Variants in LHFPL4 observed in about 807,000 individuals in gnomAD.
LHFPL4 encodes the protein LHFPL tetraspan subfamily member 4.
In LHFPL4, 6 loss-of-function variants were observed where a neutral mutation model predicts 20.0. That is an observed-to-expected ratio of 0.30 (90% CI 0.16 to 0.59). LHFPL4 has a LOEUF of 0.59. Ranked by LOEUF, LHFPL4 falls within the 20% of genes least tolerant of loss-of-function variation. LHFPL4 has a pLI of 0.88. For synonymous variants in LHFPL4, 129 were observed against 143.8 expected (o/e 0.90, Z 0.74); for missense variants, 215 against 331.2 (o/e 0.65, Z 2.72).
In LHFPL4 at chr3:9,529,309, G is replaced by A. The variant is rs184728164; in HGVS notation, c.406+22965C>T. Among the ~76,000 whole-genome samples the A allele has an allele frequency of 2.0e-3, 309 of 152,238 alleles. 1 individual carries two copies. The highest frequency in any genetic ancestry group is 3.2e-3 in the Non-Finnish European group (217 of 68,024). On this transcript the variant is annotated intron_variant, in intron 2 of 3. Transcript: ENST00000287585. ...CCCAAAGTGCTGGGATTACAGATGC[G>A]AGCCACCGCGCCCGGCCATGAATCA...
intron 2 of LHFPL4, among the ~76,000 whole-genome samples, chr3:9,507,357 T>C (rs1409597205): frequency 6.6e-6 from 1 of 152,194 alleles, no homozygotes; most frequent in Non-Finnish European, 1.5e-5. Context: ...TCAGCTATTT[T>C]CTAGATATGC....
rs2046182803 is a variant in LHFPL4, at chr3:9,502,314, A to G, written c.644-3T>C. The G allele has an allele frequency of 1.3e-6, 2 of 1,520,712 alleles. No homozygotes were observed. Among genetic ancestry groups the G allele is most frequent in the African/African-American group, 1.4e-5 (1 of 72,614 alleles). 94.2% of individuals were successfully genotyped at this position (1,520,712 alleles called of 1,614,324 possible). Reference sequence around the variant, plus strand: ...GCTTACTGTAGAGCCCACAAAATCTAAGAGAGAGAGAGAGAGAGAGAAGGA... The same window carrying G: ...GCTTACTGTAGAGCCCACAAAATCTGAGAGAGAGAGAGAGAGAGAGAAGGA... On this transcript the variant is annotated splice_region_variant and splice_polypyrimidine_tract_variant and intron_variant, in intron 3 of 3. Coordinates refer to ENST00000287585, the MANE Select transcript of LHFPL4 (RefSeq NM_198560.3).
chr3:9,526,161 G>A (rs149871116), intron 2 of LHFPL4, among the ~76,000 whole-genome samples: 1 of 152,166 alleles, frequency 6.6e-6, no homozygotes, highest in Non-Finnish European at 1.5e-5. Flanking sequence ...CCATTTATAT[G>A]AGCTACCTAG....
At chr3:9,534,459 C>T (rs1399143513) in intron 2 of LHFPL4, among the ~76,000 whole-genome samples, 5 of 152,162 alleles carry the variant, frequency 3.3e-5, no homozygotes, top group Admixed American at 3.3e-4. Context: ...ACAATGTTCC[C>T]ATTGCAAAGA....
At chr3:9,527,289 C>G (rs1224282408) in intron 2 of LHFPL4, among the ~76,000 whole-genome samples, 1 of 152,068 alleles carries the variant, frequency 6.6e-6, no homozygotes, top group African/African-American at 2.4e-5. Context: ...ATAATTTTGA[C>G]CAGGCATCGT....
intron 2 of LHFPL4, among the ~76,000 whole-genome samples, chr3:9,520,639 C>T (rs867777590): frequency 5.9e-5 from 9 of 152,182 alleles, no homozygotes; most frequent in African/African-American, 1.9e-4. Flanking sequence ...CCACCCTGCC[C>T]GGCCTCTATC....
intron 2 of LHFPL4, among the ~76,000 whole-genome samples, chr3:9,544,996 A>G (rs974316521): frequency 5.3e-5 from 8 of 152,090 alleles, no homozygotes; most frequent in African/African-American, 1.4e-4. Flanking sequence ...CCATCAGACT[A>G]TGAGCTCCCT....
chr3:9,505,676 G>A (rs947742676), intron 3 of LHFPL4, among the ~76,000 whole-genome samples: 1 of 152,018 alleles, frequency 6.6e-6, no homozygotes, highest in Non-Finnish European at 1.5e-5. Flanking sequence ...CACCCGCCTC[G>A]GCCTCCCAAA....
At chr3:9,512,206 C>T (rs2046265997) in intron 2 of LHFPL4, among the ~76,000 whole-genome samples, 2 of 152,218 alleles carry the variant, frequency 1.3e-5, no homozygotes, top group African/African-American at 4.8e-5. Flanking sequence ...GCTGGGATTA[C>T]AGGCGTGAGC....
In LHFPL4 at chr3:9,506,960, G is replaced by A. The variant is rs184049578; in HGVS notation, c.407-757C>T. On this transcript the variant is annotated intron_variant, in intron 2 of 3. Coordinates refer to ENST00000287585, the MANE Select transcript of LHFPL4 (RefSeq NM_198560.3). This position sits in a 1 kb window ranked among gnomAD's most constrained non-coding sequence, Gnocchi z 4.5. ...CATTTTCCTTTTATTCACGATGCTA[G>A]AATATACTTTCATTCATGCAGTTGA... Among the ~76,000 whole-genome samples the A allele has an allele frequency of 6.6e-6, 1 of 152,284 alleles. No homozygotes were observed. The highest frequency in any genetic ancestry group is 1.5e-5 in the Non-Finnish European group (1 of 68,026).
chr3:9,550,167 C>G (rs926194770), intron 2 of LHFPL4, among the ~76,000 whole-genome samples: 1 of 152,168 alleles, frequency 6.6e-6, no homozygotes, highest in Non-Finnish European at 1.5e-5. Context: ...GAACCCCCAC[C>G]CCAAGACTCG....
At chr3:9,523,195 G>T (rs1376659872) in intron 2 of LHFPL4, among the ~76,000 whole-genome samples, 3 of 150,842 alleles carry the variant, frequency 2.0e-5, no homozygotes, top group African/African-American at 7.3e-5. Context: ...GAGGCGGGTA[G>T]ATCACAAGGT....
rs192227608 is a variant in LHFPL4, at chr3:9,532,296, T to C, written c.406+19978A>G. 6.6e-4 allele frequency among the ~76,000 whole-genome samples: 100 copies of C among 152,290 alleles called. 1 individual carries two copies. Among genetic ancestry groups the C allele is most frequent in the African/African-American group, 2.3e-3 (95 of 41,568 alleles). Reference sequence around the variant, plus strand: ...TGCCCGCCTTGGCCTCACAAAGTGCTGGGATTACAGGCATGAGCCACCGTG... The same window carrying C: ...TGCCCGCCTTGGCCTCACAAAGTGCCGGGATTACAGGCATGAGCCACCGTG... On this transcript the variant is annotated intron_variant, in intron 2 of 3. Transcript: ENST00000287585.
In LHFPL4 at chr3:9,498,830, T is replaced by C. The variant is rs1030515860; in HGVS notation, c.*3381A>G. On this transcript the variant is annotated 3_prime_UTR_variant, in exon 4 of 4. Transcript: ENST00000287585. ...GCCTTATCTAAAAGTTCTCATCATC[T>C]TGGCTATCAGGCCTGAAAAGGATCT... 10 of 152,712 alleles carry C rather than the reference T, an allele frequency of 6.5e-5. No individual in the cohort carries two copies. The highest frequency in any genetic ancestry group is 1.9e-4 in the African/African-American group (8 of 41,474). The allele number at this position is 152,712 out of a possible 1,614,324, so 9.5% of individuals were successfully genotyped here.
rs371970484 is a variant in LHFPL4, at chr3:9,537,662, T to G, written c.406+14612A>C. On this transcript the variant is annotated intron_variant, in intron 2 of 3. Transcript: ENST00000287585. ...TTCTCCTGCAGACATGTGGCCTTCC[T>G]CGAGCCTATCTTCCTCAGCCCCTCA... Among the ~76,000 whole-genome samples the G allele has an allele frequency of 5.9e-5, 9 of 152,286 alleles. No individual in the cohort carries two copies. The East Asian group carries it at 1.4e-3, about 23-fold the overall frequency.
At chr3:9,527,745 G>T (rs1031746112) in intron 2 of LHFPL4, among the ~76,000 whole-genome samples, 1 of 151,610 alleles carries the variant, frequency 6.6e-6, no homozygotes, top group Non-Finnish European at 1.5e-5. Context: ...AGACTAGTGT[G>T]GCGGAATAAT....
intron 1 of LHFPL4, 53 bp downstream of exon 1, chr3:9,553,632 G>A (rs1365635072): frequency 2.0e-5 from 3 of 151,460 alleles, no homozygotes; most frequent in Non-Finnish European, 4.4e-5. Context: ...CCCGCGCCCA[G>A]GCCGGACGCG....
Position 9,500,695 on chromosome 3 carries a change from C to T in LHFPL4, c.*1516G>A, listed in dbSNP as rs2125653557. The T allele has an allele frequency of 6.6e-6, 1 of 152,390 alleles. No homozygotes were observed. Among genetic ancestry groups the T allele is most frequent in the South Asian group, 2.1e-4 (1 of 4,826 alleles). The allele number at this position is 152,390 out of a possible 1,614,324, so 9.4% of individuals were successfully genotyped here. A position where few individuals can be genotyped will look rare whatever the true frequency, so the allele number is the denominator to read the frequency against. On this transcript the variant is annotated 3_prime_UTR_variant, in exon 4 of 4. Coordinates refer to ENST00000287585, the MANE Select transcript of LHFPL4 (RefSeq NM_198560.3). Reference sequence around the variant, plus strand: ...CCTGCAGGGCACCGCCCCTTCCCTGCAGGTCCAGGCCGCCAGGAGGGGGCG... The same window carrying T: ...CCTGCAGGGCACCGCCCCTTCCCTGTAGGTCCAGGCCGCCAGGAGGGGGCG...
At chr3:9,505,065 G>A (rs974892907) in intron 3 of LHFPL4, among the ~76,000 whole-genome samples, 9 of 151,684 alleles carry the variant, frequency 5.9e-5, no homozygotes, top group African/African-American at 1.9e-4. Flanking sequence ...GTATTTATCC[G>A]GCCTCCTGTC....
Sources: gnomAD v4.1 joint callset for allele counts (sites outside exome capture counted in the v4.1 genomes callset) on GRCh38, gnomAD v4.1.1 for gene constraint, Gnocchi (gnomAD v3.1) non-coding constraint, MANE v1.5 for transcripts, NCBI Gene and HGNC (gene_info 2026-07-23, HGNC 2026-07-21) for gene names.